The following GABRB2 variants were observed in gnomAD, a reference collection of about 807,000 sequenced individuals.
GABRB2 encodes gamma-aminobutyric acid receptor subunit beta-2.
Under a neutral mutation model 54.7 loss-of-function variants are expected in GABRB2, and 16 were observed. That is an observed-to-expected ratio of 0.29 (90% CI 0.20 to 0.44). The LOEUF (loss-of-function observed/expected upper bound fraction) is 0.44, where lower values mean the gene tolerates loss of function less well. GABRB2 is among the 20% of genes least tolerant of loss of function. The probability of loss-of-function intolerance (pLI) is 1.00; values close to 1 mark genes in which losing one functional copy is unlikely to be tolerated. For synonymous variants in GABRB2, 244 were observed against 233.8 expected (o/e 1.04, Z -0.40); for missense variants, 355 against 644.0 (o/e 0.55, Z 4.86).
chr5:161,455,275 C>T (rs113163776), intron 4 of GABRB2, among the ~76,000 whole-genome samples: 1 of 152,050 alleles, frequency 6.6e-6, no homozygotes, highest in African/African-American at 2.4e-5. Flanking sequence ...CTTTGAGCAC[C>T]CCTCTCCGGA....
intron 9 of GABRB2, among the ~76,000 whole-genome samples, chr5:161,305,079 C>T (rs1193800670): frequency 7.2e-6 from 1 of 139,814 alleles, no homozygotes; most frequent in Non-Finnish European, 1.5e-5. Flanking sequence ...TGCAGTGGCG[C>T]AATCTCGGCT....
chr5:161,390,376 CA>C (rs1186075799), intron 5 of GABRB2, among the ~76,000 whole-genome samples: 1 of 151,910 alleles, frequency 6.6e-6, no homozygotes, highest in Non-Finnish European at 1.5e-5. Flanking sequence ...CTGGCTCTTC[CA>C]AAGAGCAAAA....
chr5:161,385,816 G>T (rs1442102328), intron 5 of GABRB2, among the ~76,000 whole-genome samples: 1 of 152,006 alleles, frequency 6.6e-6, no homozygotes, highest in Admixed American at 6.6e-5. Flanking sequence ...AAGAAAGCAG[G>T]TAAGTCTAAA....
chr5:161,365,979 A>C (rs1418800325), intron 5 of GABRB2, among the ~76,000 whole-genome samples: 5 of 151,380 alleles, frequency 3.3e-5, no homozygotes, highest in Non-Finnish European at 7.4e-5. Context: ...TACTTAGGTG[A>C]GCCTTTCACC....
chr5:161,533,897 GAT>G (rs1760545300), intron 3 of GABRB2, among the ~76,000 whole-genome samples: 1 of 152,076 alleles, frequency 6.6e-6, no homozygotes, highest in Non-Finnish European at 1.5e-5. Context: ...CAATGTGTAA[GAT>G]ATGAATAAGA....
chr5:161,298,963 G>A (rs1433478285), intron 9 of GABRB2, among the ~76,000 whole-genome samples: 1 of 152,082 alleles, frequency 6.6e-6, no homozygotes, highest in Non-Finnish European at 1.5e-5. Flanking sequence ...CTATTTTTAT[G>A]CTTTTTCATA....
chr5:161,486,133 G>A (rs1758915093), intron 3 of GABRB2, among the ~76,000 whole-genome samples: 1 of 151,882 alleles, frequency 6.6e-6, no homozygotes, highest in South Asian at 2.1e-4. Context: ...TACATTGAAT[G>A]TATACTTATG....
chr5:161,397,035 C>T (rs187317219), intron 5 of GABRB2, among the ~76,000 whole-genome samples: 52 of 152,290 alleles, frequency 3.4e-4, no homozygotes, highest in African/African-American at 1.1e-3. Flanking sequence ...AGCTATTGCT[C>T]ATCTTACATT....
chr5:161,440,866 C>T (rs998378652), intron 4 of GABRB2, among the ~76,000 whole-genome samples: 5 of 151,902 alleles, frequency 3.3e-5, no homozygotes, highest in African/African-American at 1.2e-4. Flanking sequence ...CACTTACTGG[C>T]GAAAATACAA....
At chr5:161,389,671 G>C (rs1478112182) in intron 5 of GABRB2, among the ~76,000 whole-genome samples, 1 of 151,438 alleles carries the variant, frequency 6.6e-6, no homozygotes, top group Non-Finnish European at 1.5e-5. Context: ...GGAATTGTTT[G>C]GGAGTATGTG....
Position 161,347,547 on chromosome 5 carries a change from C to G in GABRB2, c.542-10778G>C, listed in dbSNP as rs1464343568. Among the ~76,000 whole-genome samples the G allele has an allele frequency of 2.0e-5, 3 of 152,054 alleles. No individual in the cohort carries two copies. In the East Asian group the frequency reaches 5.8e-4, roughly 29 times the overall value. On this transcript the variant is annotated intron_variant, in intron 5 of 9. Transcript: ENST00000393959. ...CAAAAACAGTATCCTTGGGCCAGGT[C>G]TAAACTTATGCTGCAAACAGGCCTT...
At chr5:161,321,658 A>C (rs1220307909) in intron 9 of GABRB2, among the ~76,000 whole-genome samples, 1 of 152,162 alleles carries the variant, frequency 6.6e-6, no homozygotes, top group East Asian at 1.9e-4. Flanking sequence ...CTTAGGTTAT[A>C]CTTTCTCCCT....
At chr5:161,327,847 C>G (rs1373947131) in intron 8 of GABRB2, among the ~76,000 whole-genome samples, 1 of 142,042 alleles carries the variant, frequency 7.0e-6, no homozygotes, top group African/African-American at 2.8e-5. Context: ...AGTGCTTGAT[C>G]TTGGAAAAAA....
chr5:161,460,099 C>T (rs924762534), intron 3 of GABRB2, among the ~76,000 whole-genome samples: 2 of 152,134 alleles, frequency 1.3e-5, no homozygotes, highest in African/African-American at 2.4e-5. Context: ...CATGTGCCAT[C>T]GCACCCAGCT....
chr5:161,330,787 T>G, intron 8 of GABRB2, 96 bp downstream of exon 8: 1 of 1,538,354 alleles, frequency 6.5e-7, no homozygotes, highest in South Asian at 1.2e-5. Flanking sequence ...TTCCCTGGGC[T>G]TGGTTTCCTC....
At chr5:161,317,986 C>T (rs1182457603) in intron 9 of GABRB2, among the ~76,000 whole-genome samples, 1 of 151,932 alleles carries the variant, frequency 6.6e-6, no homozygotes, top group African/African-American at 2.4e-5. Flanking sequence ...GAAAGAAGTT[C>T]TTATAGATGC....
At chr5:161,326,328 C>T in intron 9 of GABRB2, 40 bp downstream of exon 9, 2 of 1,605,738 alleles carry the variant, frequency 1.2e-6, no homozygotes, top group South Asian at 1.1e-5. Flanking sequence ...TTGGCCCCAA[C>T]AGAAATACAA....
chr5:161,491,098 G>A (rs1222015286), intron 3 of GABRB2, among the ~76,000 whole-genome samples: 1 of 151,606 alleles, frequency 6.6e-6, no homozygotes, highest in Admixed American at 6.6e-5. Flanking sequence ...ATATGCCCAT[G>A]ACAGCAAAAT....
chr5:161,317,370 C>T (rs1043690748), intron 9 of GABRB2, among the ~76,000 whole-genome samples: 1 of 152,004 alleles, frequency 6.6e-6, no homozygotes, highest in Admixed American at 6.6e-5. Context: ...GCAGAAGTGC[C>T]CCTACCATCC....
Sources: gnomAD v4.1 joint callset for allele counts (sites outside exome capture counted in the v4.1 genomes callset) on GRCh38, gnomAD v4.1.1 for gene constraint, MANE v1.5 for transcripts, NCBI Gene and HGNC (gene_info 2026-07-23, HGNC 2026-07-21) for gene names.